CHLSN: variants seen among roughly 807,000 people sequenced by gnomAD.
CHLSN encodes the protein protein cholesin.
the CHLSN span, among the ~76,000 whole-genome samples, chr7:1,019,210 AACG>A: frequency 5.0e-3 from 351 of 69,736 alleles, 4 homozygotes; most frequent in South Asian, 0.011. Flanking sequence ...AAAAAAAAAA[AACG>A]GGGGGGGGGG....
chr7:1,094,728 C>T, the CHLSN span, among the ~76,000 whole-genome samples: 1 of 152,004 alleles, frequency 6.6e-6, no homozygotes, highest in Non-Finnish European at 1.5e-5. Context: ...ACAGTGAGCC[C>T]AGTAAAACCT....
At chr7:1,135,906 TA>T in the CHLSN span, among the ~76,000 whole-genome samples, 18 of 125,566 alleles carry the variant, frequency 1.4e-4, no homozygotes, top group Middle Eastern at 8.2e-3. Context: ...TAAGTATATA[TA>T]AAAATATATA....
chr7:1,001,552 A>G, the CHLSN span, among the ~76,000 whole-genome samples: 4 of 50,718 alleles, frequency 7.9e-5, no homozygotes, highest in African/African-American at 8.1e-5. Flanking sequence ...CCTGTGGGTG[A>G]GTGGAGCCCT....
chr7:1,011,718 A>G, the CHLSN span, among the ~76,000 whole-genome samples: 12 of 151,292 alleles, frequency 7.9e-5, no homozygotes, highest in Non-Finnish European at 1.5e-4. Context: ...AGATACCCAC[A>G]CACGCCCACA....
At chr7:1,113,286 C>T in the CHLSN span, among the ~76,000 whole-genome samples, 1 of 152,084 alleles carries the variant, frequency 6.6e-6, no homozygotes, top group Non-Finnish European at 1.5e-5. Context: ...TGCGAGTGAG[C>T]GCCCTGATGG....
chr7:1,007,092 G>C, the CHLSN span, among the ~76,000 whole-genome samples: 1 of 152,206 alleles, frequency 6.6e-6, no homozygotes, highest in Non-Finnish European at 1.5e-5. Flanking sequence ...GGGATCTGGA[G>C]GGGAGACCCC....
At chr7:997,848 G>A in the CHLSN span, 1 of 1,522,142 alleles carries the variant, frequency 6.6e-7, no homozygotes, top group Non-Finnish European at 9.0e-7. Context: ...GGGGCAGGGA[G>A]GGGCCGCTGA....
chr7:995,703 G>A, the CHLSN span, among the ~76,000 whole-genome samples: 1 of 152,290 alleles, frequency 6.6e-6, no homozygotes, highest in Non-Finnish European at 1.5e-5. Context: ...CCGCCTGGCA[G>A]ATCTGAAGGT....
At chr7:1,050,594 C>T in the CHLSN span, among the ~76,000 whole-genome samples, 2 of 152,222 alleles carry the variant, frequency 1.3e-5, no homozygotes, top group African/African-American at 4.8e-5. Flanking sequence ...GGCGGACGGA[C>T]GCGGGAGAGC....
chr7:1,070,535 C>T, the CHLSN span, among the ~76,000 whole-genome samples: 3 of 149,276 alleles, frequency 2.0e-5, no homozygotes, highest in Non-Finnish European at 3.0e-5. Context: ...ACATACACCA[C>T]GTGCACAGGG....
the CHLSN span, chr7:1,078,057 G>A: frequency 7.9e-5 from 12 of 152,138 alleles, no homozygotes; most frequent in Non-Finnish European, 1.5e-4. Flanking sequence ...AAGAAAATAC[G>A]GTGTATTTTT....
chr7:1,042,115 CTG>C, the CHLSN span, among the ~76,000 whole-genome samples: 1 of 152,088 alleles, frequency 6.6e-6, no homozygotes, highest in African/African-American at 2.4e-5. Flanking sequence ...GTGTGCGGGG[CTG>C]CAGAATCAGG....
chr7:1,109,773 T>TG, the CHLSN span, among the ~76,000 whole-genome samples: 4 of 151,770 alleles, frequency 2.6e-5, no homozygotes, highest in African/African-American at 7.3e-5. Flanking sequence ...CGCCGGGCCC[T>TG]GGGGCAGCAC....
At chr7:1,082,641 A>G in the CHLSN span, among the ~76,000 whole-genome samples, 1 of 152,216 alleles carries the variant, frequency 6.6e-6, no homozygotes, top group Non-Finnish European at 1.5e-5. Context: ...AGTGGGCTTC[A>G]TGGGGTGGGC....
At chr7:1,120,369 A>T in the CHLSN span, among the ~76,000 whole-genome samples, 2 of 152,046 alleles carry the variant, frequency 1.3e-5, no homozygotes, top group Non-Finnish European at 2.9e-5. Flanking sequence ...ACAGTGGTGC[A>T]ATCTTGGCTC....
chr7:1,109,241 T>C, the CHLSN span: 2 of 152,186 alleles, frequency 1.3e-5, no homozygotes, highest in Admixed American at 6.5e-5. Flanking sequence ...TGTTGACCAA[T>C]CCACCATATT....
the CHLSN span, chr7:987,514 G>C: frequency 3.3e-6 from 5 of 1,530,206 alleles, no homozygotes; most frequent in South Asian, 5.9e-5. Context: ...ACAGCTGGGC[G>C]GCTTCCTGCT....
chr7:986,050 T>G, the CHLSN span, among the ~76,000 whole-genome samples: 12 of 152,128 alleles, frequency 7.9e-5, no homozygotes, highest in African/African-American at 2.7e-4. Flanking sequence ...CGGCACTGCG[T>G]GGTCCGGGGC....
chr7:1,113,140 C>G, the CHLSN span, among the ~76,000 whole-genome samples: 2 of 151,938 alleles, frequency 1.3e-5, no homozygotes, highest in Non-Finnish European at 1.5e-5. Flanking sequence ...ACCGTGGACT[C>G]TGGACGAGCT....
Sources: allele counts gnomAD v4.1 joint callset (sites outside exome capture counted in the v4.1 genomes callset), GRCh38; gene constraint gnomAD v4.1.1; transcripts MANE v1.5; gene names NCBI Gene and HGNC (gene_info 2026-07-23, HGNC 2026-07-21).